The following C7 variants were observed in gnomAD, a reference collection of about 807,000 sequenced individuals.
The protein encoded by C7 is complement C7, also known as complement component C7.
A neutral mutation model predicts 104.8 loss-of-function variants in C7; 83 were observed. The observed-to-expected ratio is 0.79, with a 90% CI of 0.66 to 0.95. C7 has a LOEUF of 0.95. C7 is among the 40% of genes least tolerant of loss of function. C7 has a pLI of 0.00. For missense variants in C7, 1,070 were observed against 1,011.2 expected (o/e 1.06, Z -0.79); for synonymous variants, 415 against 360.6 (o/e 1.15, Z -1.71).
intron 1 of C7, among the ~76,000 whole-genome samples, chr5:40,921,687 A>G (rs1012651725): frequency 6.6e-6 from 1 of 152,166 alleles, no homozygotes; most frequent in Non-Finnish European, 1.5e-5. Flanking sequence ...CAGGATAGAG[A>G]ACCAAGAAAT....
At chr5:40,911,902 C>T (rs1006811273) in intron 1 of C7, among the ~76,000 whole-genome samples, 11 of 151,364 alleles carry the variant, frequency 7.3e-5, no homozygotes, top group Admixed American at 7.2e-4. Context: ...CCATGCCTTG[C>T]TAATTTTTGT....
chr5:40,950,911 C>T (rs1479805997), intron 9 of C7, among the ~76,000 whole-genome samples: 1 of 152,100 alleles, frequency 6.6e-6, no homozygotes, highest in Non-Finnish European at 1.5e-5. Context: ...GTAAACTGAT[C>T]TAGACTGTGA....
chr5:40,909,582 T>C lies in C7; in HGVS notation c.-29T>C, dbSNP rs1386999379. The C allele has an allele frequency of 6.4e-7, 1 of 1,560,044 alleles. No individual in the cohort carries two copies. The highest frequency in any genetic ancestry group is 8.8e-7 in the Non-Finnish European group (1 of 1,141,884). On this transcript the variant is annotated 5_prime_UTR_variant, in exon 1 of 18. Coordinates refer to ENST00000313164, the MANE Select transcript of C7 (RefSeq NM_000587.4). ...GCCCTTACAGAGGAAATCTTCCTCC[T>C]CTCTTCTGCCCTGAATGTTTTCCCA...
chr5:40,946,798 C>G (rs1019066050), intron 7 of C7, among the ~76,000 whole-genome samples: 4 of 151,962 alleles, frequency 2.6e-5, no homozygotes, highest in Non-Finnish European at 5.9e-5. Flanking sequence ...ATTTCTTCAC[C>G]TGTAATCTCA....
At chr5:40,927,735 A>G (rs1278734239) in intron 1 of C7, among the ~76,000 whole-genome samples, 3 of 152,166 alleles carry the variant, frequency 2.0e-5, no homozygotes, top group Admixed American at 1.3e-4. Context: ...TTAAAATCAC[A>G]TTGAGTTATC....
At chr5:40,928,885 T>A (rs1263319495) in intron 2 of C7, among the ~76,000 whole-genome samples, 1 of 152,228 alleles carries the variant, frequency 6.6e-6, no homozygotes, top group Non-Finnish European at 1.5e-5. Flanking sequence ...AAGTTTTTTG[T>A]CTCAGTGCCG....
At chr5:40,915,780 A>G (rs1207068433) in intron 1 of C7, among the ~76,000 whole-genome samples, 2 of 152,228 alleles carry the variant, frequency 1.3e-5, no homozygotes, top group Admixed American at 6.5e-5. Flanking sequence ...AAACATTTTT[A>G]GAACTCTAAC....
rs569082938 is a variant in C7 at position 40,955,254 on chromosome 5, T to C, written c.1094-133T>C. ...CCTTTGTGCTCTGCCTATTCATCCC[T>C]CCCTTCTTTCTGACCACAATTTATC... On this transcript the variant is annotated intron_variant, in intron 9 of 17. Transcript: ENST00000313164. 1.4e-4 allele frequency: 103 copies of C among 756,798 alleles called. 1 individual carries two copies. In the South Asian group the frequency reaches 1.9e-3, roughly 14 times the overall value. The allele number at this position is 756,798 out of a possible 1,614,324, so 46.9% of individuals were successfully genotyped here.
chr5:40,920,138 C>A (rs1739409377), intron 1 of C7, among the ~76,000 whole-genome samples: 1 of 151,918 alleles, frequency 6.6e-6, no homozygotes, highest in Non-Finnish European at 1.5e-5. Flanking sequence ...AAAAGATCAT[C>A]AGGGACTATC....
At chr5:40,943,280 G>T (rs564859233) in intron 6 of C7, among the ~76,000 whole-genome samples, 20 of 152,244 alleles carry the variant, frequency 1.3e-4, no homozygotes, top group African/African-American at 4.8e-4. Flanking sequence ...TAATAGATGT[G>T]GCAATAATAA....
chr5:40,942,241 G>C (rs912680733), intron 6 of C7, among the ~76,000 whole-genome samples: 2 of 152,080 alleles, frequency 1.3e-5, no homozygotes, highest in Non-Finnish European at 2.9e-5. Context: ...ATAGTAACAG[G>C]TAAAGCATTT....
At chr5:40,939,577 G>A (rs2069659765) in intron 6 of C7, among the ~76,000 whole-genome samples, 1 of 152,154 alleles carries the variant, frequency 6.6e-6, no homozygotes, top group Non-Finnish European at 1.5e-5. Context: ...TGAATAACAT[G>A]TATTACAATT....
chr5:40,965,857 G>T (rs576818122), intron 14 of C7, among the ~76,000 whole-genome samples: 7 of 151,664 alleles, frequency 4.6e-5, no homozygotes, highest in Non-Finnish European at 1.0e-4. Flanking sequence ...TGGCCAGGCT[G>T]GTCTCGAAGT....
At chr5:40,929,136 A>C (rs1739621110) in intron 2 of C7, among the ~76,000 whole-genome samples, 1 of 152,204 alleles carries the variant, frequency 6.6e-6, no homozygotes, top group Non-Finnish European at 1.5e-5. Context: ...ATTTTATGGA[A>C]CTATCAGAAA....
chr5:40,945,398 A>G, intron 7 of C7, 30 bp downstream of exon 7: 1 of 1,488,260 alleles, frequency 6.7e-7, no homozygotes, highest in Non-Finnish European at 9.1e-7. Context: ...TAACTTTTCC[A>G]TGTTTTACTT....
At chr5:40,919,350 C>T (rs371872071) in intron 1 of C7, among the ~76,000 whole-genome samples, 1 of 152,062 alleles carries the variant, frequency 6.6e-6, no homozygotes, top group Admixed American at 6.6e-5. Flanking sequence ...GACTCAAACT[C>T]CTAACCTCAA....
chr5:40,919,775 CTTG>C (rs1739402024), intron 1 of C7, among the ~76,000 whole-genome samples: 1 of 151,906 alleles, frequency 6.6e-6, no homozygotes, highest in Non-Finnish European at 1.5e-5. Flanking sequence ...AGATAAAAAT[CTTG>C]TTATCTTAAG....
intron 1 of C7, among the ~76,000 whole-genome samples, chr5:40,912,607 C>G (rs183731227): frequency 6.6e-6 from 1 of 151,960 alleles, no homozygotes; most frequent in Non-Finnish European, 1.5e-5. Flanking sequence ...GATCCTACCA[C>G]TTTGTCCTCC....
intron 12 of C7, among the ~76,000 whole-genome samples, chr5:40,961,104 TCTC>T (rs1740410184): frequency 6.6e-6 from 1 of 152,346 alleles, no homozygotes; most frequent in African/African-American, 2.4e-5. Context: ...ACTTCGTATT[TCTC>T]TATTGCCTTG....
Sources: gnomAD v4.1 joint callset for allele counts (sites outside exome capture counted in the v4.1 genomes callset) on GRCh38, gnomAD v4.1.1 for gene constraint, MANE v1.5 for transcripts, NCBI Gene and HGNC (gene_info 2026-07-23, HGNC 2026-07-21) for gene names.